The following TGFB2 variants were observed in gnomAD, a reference collection of about 807,000 sequenced individuals.
TGFB2 encodes transforming growth factor beta-2 proprotein.
In TGFB2, 13 loss-of-function variants were observed where a neutral mutation model predicts 42.7. That is an observed-to-expected ratio of 0.30 (90% CI 0.20 to 0.48). TGFB2 has a LOEUF of 0.48. TGFB2 is among the 20% of genes least tolerant of loss of function. TGFB2 has a pLI of 0.99. For missense variants in TGFB2, 390 were observed against 517.5 expected, an observed-to-expected ratio of 0.75 and a Z score of 2.39; for synonymous variants, 193 against 193.6, an observed-to-expected ratio of 1.00 and a Z score of 0.03.
At chr1:218,374,807 C>T (rs1657687678) in intron 1 of TGFB2, among the ~76,000 whole-genome samples, 1 of 152,174 alleles carries the variant, frequency 6.6e-6, no homozygotes, top group Non-Finnish European at 1.5e-5. Flanking sequence ...ACCCTGCTCC[C>T]TCTGTGAGTT....
chr1:218,376,635 C>T (rs1657751662), intron 1 of TGFB2, among the ~76,000 whole-genome samples: 1 of 152,142 alleles, frequency 6.6e-6, no homozygotes, highest in Non-Finnish European at 1.5e-5. Context: ...TTCTTATCCC[C>T]CACCTAAGTG....
rs145699773 is a variant in TGFB2 at position 218,429,229 on chromosome 1, C to T, written c.511-4853C>T. On this transcript the variant is annotated intron_variant, in intron 2 of 6. Transcript: ENST00000366930. ...CTCCTGACCTCAGGTAATCCACCTGCCTTGGCCTCCCAAAGAGCTGGGATT... is the reference window on the plus strand; with the variant it reads ...CTCCTGACCTCAGGTAATCCACCTGTCTTGGCCTCCCAAAGAGCTGGGATT... 2.0e-5 allele frequency among the ~76,000 whole-genome samples: 3 copies of T among 152,318 alleles called. No individual in the cohort carries two copies. The South Asian group carries it at 6.2e-4, about 32-fold the overall frequency.
chr1:218,360,589 T>G (rs1419936422), intron 1 of TGFB2, among the ~76,000 whole-genome samples: 2 of 152,156 alleles, frequency 1.3e-5, no homozygotes, highest in African/African-American at 2.4e-5. Flanking sequence ...ATGGGGTTGA[T>G]AGGTGCAGCA....
intron 2 of TGFB2, among the ~76,000 whole-genome samples, chr1:218,421,388 T>TA (rs397863759): frequency 2.0e-5 from 3 of 146,862 alleles, no homozygotes; most frequent in East Asian, 4.2e-4. Context: ...TTTTTTTTTT[T>TA]ATCACTATAA....
intron 1 of TGFB2, among the ~76,000 whole-genome samples, chr1:218,379,487 C>CTTTTTTTTTTTT (rs59224313): frequency 6.0e-5 from 8 of 133,402 alleles, no homozygotes; most frequent in Non-Finnish European, 1.1e-4. Context: ...TTCTTTCTTT[C>CTTTTTTTTTTTT]TTTTTTTTTT....
At chr1:218,352,232 T>C (rs1192665117) in intron 1 of TGFB2, among the ~76,000 whole-genome samples, 3 of 151,896 alleles carry the variant, frequency 2.0e-5, no homozygotes, top group Admixed American at 6.6e-5. Context: ...TATCTTGATG[T>C]AGCATTTCCG....
intron 2 of TGFB2, among the ~76,000 whole-genome samples, chr1:218,432,357 A>T (rs1168638678): frequency 6.6e-6 from 1 of 152,210 alleles, no homozygotes; most frequent in African/African-American, 2.4e-5. Context: ...TGTTGCCTCC[A>T]CATTCTCTTC....
At chr1:218,399,213 A>G (rs1356859557) in intron 1 of TGFB2, among the ~76,000 whole-genome samples, 2 of 152,200 alleles carry the variant, frequency 1.3e-5, no homozygotes, top group African/African-American at 4.8e-5. Flanking sequence ...ACTCACAAGA[A>G]ATTGCAAAAA....
chr1:218,407,160 C>T (rs915868303), intron 2 of TGFB2, among the ~76,000 whole-genome samples: 2 of 152,130 alleles, frequency 1.3e-5, no homozygotes, highest in African/African-American at 4.8e-5. Context: ...TGCAGTGGTG[C>T]AGTCATAGCT....
chr1:218,425,388 T>C (rs1242658490), intron 2 of TGFB2, among the ~76,000 whole-genome samples: 1 of 152,034 alleles, frequency 6.6e-6, no homozygotes, highest in Non-Finnish European at 1.5e-5. Context: ...TTTGTATTTT[T>C]AGTAGAGACG....
intron 5 of TGFB2, among the ~76,000 whole-genome samples, chr1:218,436,422 C>T (rs1230459995): frequency 6.6e-6 from 1 of 152,186 alleles, no homozygotes; most frequent in Non-Finnish European, 1.5e-5. Context: ...AGAAAACAAG[C>T]TCTCTGCTCC....
intron 1 of TGFB2, among the ~76,000 whole-genome samples, chr1:218,362,104 T>C (rs1435387846): frequency 6.6e-6 from 1 of 152,174 alleles, no homozygotes. Context: ...TTCCAGAGTA[T>C]GGAAAAAGTC....
chr1:218,379,252 C>A (rs1293967361), intron 1 of TGFB2, among the ~76,000 whole-genome samples: 1 of 151,654 alleles, frequency 6.6e-6, no homozygotes, highest in African/African-American at 2.4e-5. Flanking sequence ...CCTGCCTCAG[C>A]CTCCTGAGTA....
At chr1:218,433,256 A>C (rs1164375839) in intron 2 of TGFB2, among the ~76,000 whole-genome samples, 2 of 152,034 alleles carry the variant, frequency 1.3e-5, no homozygotes, top group African/African-American at 4.8e-5. Context: ...TAGTAGAGAC[A>C]GGGTTTTACC....
intron 1 of TGFB2, among the ~76,000 whole-genome samples, chr1:218,383,560 C>T (rs1283491792): frequency 6.6e-6 from 1 of 151,984 alleles, no homozygotes; most frequent in African/African-American, 2.4e-5. Context: ...GGAGAGTGTC[C>T]TCAGGTGTTC....
chr1:218,395,199 T>A (rs150700646), intron 1 of TGFB2, among the ~76,000 whole-genome samples: 8 of 152,100 alleles, frequency 5.3e-5, no homozygotes, highest in Non-Finnish European at 1.0e-4. Flanking sequence ...TGTATGGGGA[T>A]CTGAAAGACC....
At chr1:218,437,320 C>CTT (rs11285412) in intron 5 of TGFB2, 23 bp from the exon 6 acceptor site, 260 of 1,430,242 alleles carry the variant, frequency 1.8e-4, no homozygotes, top group African/African-American at 6.3e-4. Flanking sequence ...ATCTCCATTG[C>CTT]TTTTTTTTTT....
rs752870701 is a variant in TGFB2 at position 218,346,723 on chromosome 1, G to A, written c.22G>A (p.Ala8Thr). MHYCVLSAFLILHLVTVA... is the reference protein window; with the variant it reads MHYCVLSTFLILHLVTVA... ...AAAAATGCACTACTGTGTGCTGAGC[G>A]CTTTTCTGATCCTGCATCTGGTCAC... The change falls in exon 1 of 7, where the codon GCT becomes ACT. Residue 8 changes from alanine (A) to threonine (T), a missense_variant. Ala to Thr is a moderately conservative substitution (Grantham distance 58). Transcript: ENST00000366930. This position sits in a 1 kb window ranked among gnomAD's most constrained non-coding sequence, Gnocchi z 4.9. The A allele has an allele frequency of 2.5e-6, 4 of 1,612,992 alleles. No homozygotes were observed. The African/African-American group carries it at 5.3e-5, about 22-fold the overall frequency.
At chr1:218,418,038 A>C (rs1001937231) in intron 2 of TGFB2, among the ~76,000 whole-genome samples, 1 of 152,214 alleles carries the variant, frequency 6.6e-6, no homozygotes, top group Non-Finnish European at 1.5e-5. Flanking sequence ...TGGAGCCCCC[A>C]CACAGAGTTT....
Sources: gnomAD v4.1 joint callset for allele counts (sites outside exome capture counted in the v4.1 genomes callset) on GRCh38, gnomAD v4.1.1 for gene constraint, Gnocchi (gnomAD v3.1) non-coding constraint, MANE v1.5 for transcripts, NCBI Gene and HGNC (gene_info 2026-07-23, HGNC 2026-07-21) for gene names.